PTPRD: variants seen among roughly 807,000 people sequenced by gnomAD.
The protein encoded by PTPRD is receptor-type tyrosine-protein phosphatase delta.
A neutral mutation model predicts 214.5 loss-of-function variants in PTPRD; 34 were observed. That is an observed-to-expected ratio of 0.16 (90% CI 0.12 to 0.21). PTPRD has a LOEUF of 0.21. Among genes scored for constraint, PTPRD ranks in the 10% least tolerant of loss-of-function variants. PTPRD has a pLI of 1.00. For missense variants in PTPRD, 2,545 were observed against 2,398.7 expected (o/e 1.06, Z -1.27); for synonymous variants, 1,128 against 845.7 (o/e 1.33, Z -5.79).
chr9:9,892,520 T>C (rs1248770875), intron 5 of PTPRD, among the ~76,000 whole-genome samples: 6 of 152,126 alleles, frequency 3.9e-5, no homozygotes, highest in East Asian at 3.9e-4. Flanking sequence ...ATTCAGATCA[T>C]TGTGGACACT....
intron 7 of PTPRD, among the ~76,000 whole-genome samples, chr9:9,602,505 A>G (rs553313694): frequency 5.3e-4 from 80 of 152,232 alleles, no homozygotes; most frequent in African/African-American, 1.9e-3. Context: ...TCAGTTATTT[A>G]TATCTAAAAG....
chr9:9,907,420 G>C (rs900812219), intron 5 of PTPRD, among the ~76,000 whole-genome samples: 1 of 151,856 alleles, frequency 6.6e-6, no homozygotes, highest in East Asian at 1.9e-4. Flanking sequence ...TCAAGTTGTT[G>C]GTAGGTCTGG....
chr9:9,117,237 T>G (rs868284129), intron 10 of PTPRD, among the ~76,000 whole-genome samples: 4 of 147,542 alleles, frequency 2.7e-5, no homozygotes, highest in African/African-American at 1.0e-4. Context: ...TTTTTTTTTG[T>G]ACTTTCAGGG....
chr9:9,423,925 T>C (rs972054223), intron 8 of PTPRD, among the ~76,000 whole-genome samples: 4 of 152,226 alleles, frequency 2.6e-5, no homozygotes, highest in African/African-American at 9.6e-5. Context: ...GCTGGAATCC[T>C]AGCAGAGTGG....
At chr9:8,975,976 G>A (rs1214896591) in intron 11 of PTPRD, among the ~76,000 whole-genome samples, 1 of 151,916 alleles carries the variant, frequency 6.6e-6, no homozygotes, top group Non-Finnish European at 1.5e-5. Context: ...CCTCATAGTT[G>A]TACATTTAAT....
At chr9:9,421,643 T>C (rs2078844251) in intron 8 of PTPRD, among the ~76,000 whole-genome samples, 1 of 152,130 alleles carries the variant, frequency 6.6e-6, no homozygotes, top group African/African-American at 2.4e-5. Flanking sequence ...AATAGAGGTT[T>C]GTCACATCAT....
At position 9,508,272 on chromosome 9, in the gene PTPRD, G is replaced by A. The variant is rs190591470; in HGVS notation, c.-237+66460C>T. Among the ~76,000 whole-genome samples, 3 of 151,512 alleles carry A rather than the reference G, an allele frequency of 2.0e-5. No homozygotes were observed. In the East Asian group the frequency reaches 5.8e-4, roughly 29 times the overall value. On this transcript the variant is annotated intron_variant, in intron 8 of 45. Coordinates refer to ENST00000381196, the MANE Select transcript of PTPRD (RefSeq NM_002839.4). Reference sequence around the variant, plus strand: ...TCCTTATACAAGAAGCGCTCCAGTGGCCCCTACCACTAATGAGCAATACAC... The same window carrying A: ...TCCTTATACAAGAAGCGCTCCAGTGACCCCTACCACTAATGAGCAATACAC...
intron 10 of PTPRD, among the ~76,000 whole-genome samples, chr9:9,082,297 T>C (rs2099760438): frequency 6.6e-6 from 1 of 151,954 alleles, no homozygotes; most frequent in African/African-American, 2.4e-5. Flanking sequence ...ACAAGGGTGG[T>C]TCAACATATG....
At chr9:10,583,457 C>CT (rs34055386) in intron 2 of PTPRD, among the ~76,000 whole-genome samples, 45,187 of 145,306 alleles carry the variant, frequency 0.31, 6,978 homozygotes, top group South Asian at 0.42. Context: ...ACTAGAAGTT[C>CT]TTTTTTTTTT....
At chr9:10,255,814 T>C (rs1031789879) in intron 3 of PTPRD, among the ~76,000 whole-genome samples, 7 of 152,216 alleles carry the variant, frequency 4.6e-5, no homozygotes, top group Admixed American at 2.6e-4. Context: ...TCATTATTAC[T>C]ATTATTTACT....
At chr9:9,386,088 T>A (rs1489847849) in intron 9 of PTPRD, among the ~76,000 whole-genome samples, 1 of 152,156 alleles carries the variant, frequency 6.6e-6, no homozygotes, top group Non-Finnish European at 1.5e-5. Context: ...AAGAGGCAAC[T>A]ATTTGTTTAC....
intron 7 of PTPRD, among the ~76,000 whole-genome samples, chr9:9,600,765 T>G (rs1373511158): frequency 1.3e-5 from 2 of 152,138 alleles, no homozygotes; most frequent in African/African-American, 4.8e-5. Context: ...TTTTATTCAC[T>G]GGATGCTAAC....
chr9:9,769,037 T>C (rs1291751881), intron 5 of PTPRD, among the ~76,000 whole-genome samples: 1 of 152,186 alleles, frequency 6.6e-6, no homozygotes, highest in Non-Finnish European at 1.5e-5. Flanking sequence ...GAGGCATATT[T>C]ACTATTTAAG....
intron 9 of PTPRD, among the ~76,000 whole-genome samples, chr9:9,275,191 TATATATATTATATA>T (rs1204495823): frequency 3.5e-4 from 4 of 11,452 alleles, no homozygotes; most frequent in African/African-American, 1.0e-3. Flanking sequence ...ATGTTATATA[TATATATATTATATA>T]TATATATATA....
chr9:10,208,385 G>A (rs1594243666), intron 3 of PTPRD, among the ~76,000 whole-genome samples: 1 of 152,208 alleles, frequency 6.6e-6, no homozygotes, highest in African/African-American at 2.4e-5. Flanking sequence ...GTGGTGGCGG[G>A]CGCCTGTAGT....
At chr9:9,762,077 G>C (rs2098662571) in intron 6 of PTPRD, among the ~76,000 whole-genome samples, 1 of 152,146 alleles carries the variant, frequency 6.6e-6, no homozygotes, top group Non-Finnish European at 1.5e-5. Flanking sequence ...GAATCCCAAG[G>C]CTATAGGAAA....
intron 17 of PTPRD, among the ~76,000 whole-genome samples, chr9:8,525,448 A>C (rs1373931118): frequency 1.3e-5 from 2 of 152,160 alleles, no homozygotes; most frequent in Admixed American, 1.3e-4. Flanking sequence ...CTCAAAAAAA[A>C]CCAGGCTGGG....
chr9:8,771,819 TAA>T (rs557495942), intron 11 of PTPRD, among the ~76,000 whole-genome samples: 26 of 142,960 alleles, frequency 1.8e-4, no homozygotes, highest in African/African-American at 1.8e-4. Context: ...TGCATGGCTT[TAA>T]AAAAAAAAAA....
At chr9:10,214,426 ACT>A (rs2099531444) in intron 3 of PTPRD, among the ~76,000 whole-genome samples, 1 of 121,958 alleles carries the variant, frequency 8.2e-6, no homozygotes, top group Admixed American at 9.5e-5. Flanking sequence ...ACCAAGCCCA[ACT>A]ATTTTTTTTT....
Sources: gnomAD v4.1 joint callset for allele counts (sites outside exome capture counted in the v4.1 genomes callset) on GRCh38, gnomAD v4.1.1 for gene constraint, MANE v1.5 for transcripts, NCBI Gene and HGNC (gene_info 2026-07-23, HGNC 2026-07-21) for gene names.